GCKR: variants seen among roughly 807,000 people sequenced by gnomAD.
GCKR encodes glucokinase regulator, also known as glucokinase regulatory protein.
A neutral mutation model predicts 82.9 loss-of-function variants in GCKR; 73 were observed. The observed-to-expected ratio is 0.88, with a 90% CI of 0.73 to 1.07. The LOEUF is 1.07. Ranked by LOEUF, GCKR falls within the 50% of genes least tolerant of loss-of-function variation. The pLI is 0.00. For missense variants in GCKR, 784 were observed against 782.1 expected (o/e 1.00, Z -0.03); for synonymous variants, 294 against 291.8 (o/e 1.01, Z -0.08).
chr2:27,518,937 G>A lies in GCKR; in HGVS notation c.1572G>A (p.Gln524=), dbSNP rs554076644. Residue 524 remains glutamine, a splice_region_variant and synonymous_variant, in exon 17 of 19, where the codon CAG becomes CAA. Transcript: ENST00000264717. ...TCTGGCGGGCGCTGGCCATGCTGCA[G>A]GTAGGGATATGATGGGGCAGGGTTG... ...KLFWRALAML[Q]RFSGQSKARC... 25 of 1,611,832 alleles carry A rather than the reference G, an allele frequency of 1.6e-5. No individual in the cohort carries two copies. Among genetic ancestry groups the A allele is most frequent in the Non-Finnish European group, 2.1e-5 (25 of 1,178,738 alleles).
At chr2:27,506,616 C>A in intron 11 of GCKR, 37 bp downstream of exon 11, 1 of 1,373,034 alleles carries the variant, frequency 7.3e-7, no homozygotes, top group Non-Finnish European at 1.0e-6. Context: ...GGATGTGGCC[C>A]GGATGGAGAA....
At chr2:27,502,317 A>G (rs1669605271) in intron 8 of GCKR, among the ~76,000 whole-genome samples, 1 of 152,246 alleles carries the variant, frequency 6.6e-6, no homozygotes, top group Admixed American at 6.5e-5. Context: ...CCTATGACTA[A>G]GTGAAATGAA....
Position 27,503,559 on chromosome 2 carries a change from A to G in GCKR, c.690A>G (p.Ala230=), listed in dbSNP as rs1438960985. The change falls in exon 9 of 19, where the codon GCA becomes GCG. Residue 230 remains alanine, a synonymous_variant. Coordinates refer to ENST00000264717, the MANE Select transcript of GCKR (RefSeq NM_001486.4). ...GGAGTTCAACATTCCGACAAGTAGC[A>G]GAGCGGATGCAGAAAATGCAGGAGA... The part of the protein sequence containing the change: ...EDWSSTFRQV[A]ERMQKMQEKQ... 2 of 1,611,284 alleles carry G rather than the reference A, an allele frequency of 1.2e-6. No individual in the cohort carries two copies. Among genetic ancestry groups the G allele is most frequent in the Admixed American group, 3.3e-5 (2 of 60,012 alleles).
At position 27,506,814 on chromosome 2, in the gene GCKR, T is replaced by A; in HGVS notation, c.995T>A (p.Leu332Gln). ...CTGGAGAAGAAAGGCCACGTGTACC[T>A]GGTTGGCTGGCAGACCCTGGGCATC... ...TSLEKKGHVY[L>Q]VGWQTLGIIA... Residue 332 changes from leucine (L) to glutamine (Q), a missense_variant, in exon 12 of 19, where the codon CTG becomes CAG. Physicochemically the swap from Leu to Gln is moderately radical, Grantham distance 113 (BLOSUM62 -2). Coordinates refer to ENST00000264717, the MANE Select transcript of GCKR (RefSeq NM_001486.4). 6.2e-7 allele frequency: 1 copy of A among 1,613,314 alleles called. No homozygotes were observed. The highest frequency in any genetic ancestry group is 8.5e-7 in the Non-Finnish European group (1 of 1,179,208).
intron 16 of GCKR, among the ~76,000 whole-genome samples, chr2:27,516,274 T>C (rs1238016005): frequency 6.6e-6 from 1 of 150,528 alleles, no homozygotes; most frequent in African/African-American, 2.4e-5. Context: ...GGGTTTGTTC[T>C]TCATTCTTGT....
chr2:27,522,367 C>A (rs1670170018), intron 17 of GCKR, 93 bp from the exon 18 acceptor site: 3 of 1,271,026 alleles, frequency 2.4e-6, no homozygotes, highest in South Asian at 2.4e-5. Context: ...GGGATCCCAG[C>A]CTCTCACTCT....
chr2:27,512,254 AAAG>A lies in GCKR; in HGVS notation c.1422+4004_1422+4006del, dbSNP rs1355236385. Among the ~76,000 whole-genome samples, 308 of 148,040 alleles carry A rather than the reference AAAG, an allele frequency of 2.1e-3. 2 individuals carry two copies. Among genetic ancestry groups the A allele is most frequent in the African/African-American group, 7.4e-3 (294 of 39,962 alleles). ...CCATCTCAAAAAAAAAAAAAAAAAA[AAAG>A]CCGGGCGTGGTGGCTCACGCCTACA... On this transcript the variant is annotated intron_variant, in intron 16 of 18. Coordinates refer to ENST00000264717, the MANE Select transcript of GCKR (RefSeq NM_001486.4).
At chr2:27,520,764 G>A (rs1465779066) in intron 17 of GCKR, among the ~76,000 whole-genome samples, 2 of 152,072 alleles carry the variant, frequency 1.3e-5, no homozygotes, top group African/African-American at 4.8e-5. Context: ...GGCTGGGCAC[G>A]GTGGCTCACG....
chr2:27,515,868 A>G (rs1274656075), intron 16 of GCKR, among the ~76,000 whole-genome samples: 1 of 150,524 alleles, frequency 6.6e-6, no homozygotes, highest in African/African-American at 2.4e-5. Context: ...GGCTGAAGCA[A>G]TCATCCCACC....
At chr2:27,508,418 C>T (rs1669804156) in intron 16 of GCKR, among the ~76,000 whole-genome samples, 167 bp downstream of exon 16, 1 of 152,184 alleles carries the variant, frequency 6.6e-6, no homozygotes, top group East Asian at 1.9e-4. Flanking sequence ...TCAGAATTCC[C>T]AAGGCAATGA....
At chr2:27,514,372 A>G (rs981544934) in intron 16 of GCKR, among the ~76,000 whole-genome samples, 2 of 152,118 alleles carry the variant, frequency 1.3e-5, no homozygotes, top group African/African-American at 2.4e-5. Flanking sequence ...CATCATCAAT[A>G]TATCTGCCGT....
intron 12 of GCKR, 88 bp downstream of exon 12, chr2:27,506,973 A>G (rs577760359): frequency 1.9e-5 from 17 of 900,080 alleles, no homozygotes; most frequent in Non-Finnish European, 2.8e-5. Context: ...CTCCCAACCC[A>G]TGGGTGTTCC....
chr2:27,523,291 G>T lies in GCKR; in HGVS notation c.1730G>T (p.Ser577Ile). The T allele has an allele frequency of 6.2e-7, 1 of 1,613,050 alleles. No individual in the cohort carries two copies. ...KEQVIPIALL[S>I]LLFRCSITEA... ...CAGGTGATACCCATCGCCTTGCTGA[G>T]CCTCCTATTCCGGTGCTCGATCACT... The change falls in exon 19 of 19, where the codon AGC becomes ATC. Residue 577 changes from serine to isoleucine, a missense_variant. Transcript: ENST00000264717.
At chr2:27,504,437 A>G (rs1203324305) in intron 9 of GCKR, among the ~76,000 whole-genome samples, 2 of 150,242 alleles carry the variant, frequency 1.3e-5, no homozygotes, top group Non-Finnish European at 3.0e-5. Flanking sequence ...GGCTCACTGC[A>G]ACCTCTGCTC....
chr2:27,499,118 C>T, intron 5 of GCKR, 24 bp from the exon 6 acceptor site: 3 of 1,498,998 alleles, frequency 2.0e-6, no homozygotes, highest in Non-Finnish European at 2.8e-6. Flanking sequence ...GCCACTGCCA[C>T]TGACCTTGAG....
At chr2:27,500,558 G>A (rs1347444651) in intron 7 of GCKR, among the ~76,000 whole-genome samples, 1 of 152,234 alleles carries the variant, frequency 6.6e-6, no homozygotes, top group East Asian at 1.9e-4. Flanking sequence ...AAACCCTAAA[G>A]TATTTAGTAT....
At chr2:27,505,265 G>A (rs1244482639) in intron 9 of GCKR, among the ~76,000 whole-genome samples, 1 of 142,088 alleles carries the variant, frequency 7.0e-6, no homozygotes, top group Non-Finnish European at 1.5e-5. Flanking sequence ...GCATGGTGGC[G>A]GGCGCCTGTA....
chr2:27,497,242 A>G lies in GCKR; in HGVS notation c.61-2A>G. On this transcript the variant is annotated splice_acceptor_variant, in intron 1 of 18. Transcript: ENST00000264717. LOFTEE classifies it high-confidence loss of function. Reference sequence around the variant, plus strand: ...TCCATCCTTGTCCCCTCTTCCTTCTAGTTGTCTGGGTACGAGGCAGCTGTG... The same window carrying G: ...TCCATCCTTGTCCCCTCTTCCTTCTGGTTGTCTGGGTACGAGGCAGCTGTG... 1 of 1,614,042 alleles carries G rather than the reference A, an allele frequency of 6.2e-7. No individual in the cohort carries two copies. Among genetic ancestry groups the G allele is most frequent in the Non-Finnish European group, 8.5e-7 (1 of 1,179,996 alleles).
chr2:27,503,366 C>T, intron 8 of GCKR, 148 bp from the exon 9 acceptor site: 1 of 697,656 alleles, frequency 1.4e-6, no homozygotes, highest in Non-Finnish European at 2.7e-6. Context: ...GACACAGTGC[C>T]TCTAAAAGTT....
Sources: gnomAD v4.1 joint callset for allele counts (sites outside exome capture counted in the v4.1 genomes callset) on GRCh38, gnomAD v4.1.1 for gene constraint, MANE v1.5 for transcripts, NCBI Gene and HGNC (gene_info 2026-07-23, HGNC 2026-07-21) for gene names.